PTPRD: variants seen among roughly 807,000 people sequenced by gnomAD.
PTPRD encodes receptor-type tyrosine-protein phosphatase delta.
In PTPRD, 34 loss-of-function variants were observed where a neutral mutation model predicts 214.5. The observed-to-expected ratio is 0.16, with a 90% CI of 0.12 to 0.21. The LOEUF (loss-of-function observed/expected upper bound fraction) is 0.21. Among genes scored for constraint, PTPRD ranks in the 10% least tolerant of loss-of-function variants. The pLI is 1.00. For synonymous variants in PTPRD, 1,128 were observed against 845.7 expected (o/e 1.33, Z -5.79); for missense variants, 2,545 against 2,398.7 (o/e 1.06, Z -1.27).
intron 3 of PTPRD, among the ~76,000 whole-genome samples, chr9:10,099,831 A>T (rs1467548225): frequency 1.3e-5 from 2 of 151,670 alleles, no homozygotes; most frequent in East Asian, 2.0e-4. Flanking sequence ...TTAGAAATTT[A>T]AAAAAAAGAT....
intron 23 of PTPRD, 42 bp downstream of exon 23, chr9:8,504,219 A>C: frequency 6.2e-7 from 1 of 1,608,566 alleles, no homozygotes; most frequent in Non-Finnish European, 8.5e-7. Flanking sequence ...CATCTCCCCG[A>C]GGAAATAAAA....
At chr9:8,862,414 A>G (rs962256108) in intron 11 of PTPRD, among the ~76,000 whole-genome samples, 1 of 152,196 alleles carries the variant, frequency 6.6e-6, no homozygotes, top group African/African-American at 2.4e-5. Flanking sequence ...TGTAAAGAAG[A>G]AAAGAAGATA....
chr9:8,376,686 G>T lies in PTPRD; in HGVS notation c.4427C>A (p.Thr1476Asn), dbSNP rs756058132. 8.8e-5 allele frequency: 142 copies of T among 1,612,974 alleles called. No homozygotes were observed. Among genetic ancestry groups the T allele is most frequent in the Admixed American group, 2.5e-4 (15 of 59,850 alleles). The change falls in exon 38 of 46, where the codon ACC becomes AAC. Residue 1476 changes from threonine (T) to asparagine (N), a missense_variant. Thr to Asn is a moderately conservative substitution (Grantham distance 65). Transcript: ENST00000381196. The part of the protein sequence containing the change: ...DQYWPSRGTE[T>N]HGLVQVTLLD... ...CAGCGTTACTTGAACGAGTCCGTGGGTTTCTGTGCCTCTGCTAGGCCAATA... is the reference window on the plus strand; with the variant it reads ...CAGCGTTACTTGAACGAGTCCGTGGTTTTCTGTGCCTCTGCTAGGCCAATA...
intron 9 of PTPRD, among the ~76,000 whole-genome samples, chr9:9,241,573 T>C (rs2099970357): frequency 6.6e-6 from 1 of 152,122 alleles, no homozygotes; most frequent in Non-Finnish European, 1.5e-5. Flanking sequence ...ACGTGACTGC[T>C]TTACAGGTGG....
chr9:8,901,991 T>G (rs2154252164), intron 11 of PTPRD, among the ~76,000 whole-genome samples: 1 of 152,284 alleles, frequency 6.6e-6, no homozygotes, highest in South Asian at 2.1e-4. Flanking sequence ...ACTTGAAAAA[T>G]AAGGGATTCA....
At chr9:8,500,265 T>C (rs1363187508) in intron 24 of PTPRD, among the ~76,000 whole-genome samples, 1 of 151,942 alleles carries the variant, frequency 6.6e-6, no homozygotes, top group Non-Finnish European at 1.5e-5. Flanking sequence ...TTCTTGATTA[T>C]ATGTATTATC....
chr9:9,985,508 T>C (rs1334880859), intron 4 of PTPRD, among the ~76,000 whole-genome samples: 2 of 152,220 alleles, frequency 1.3e-5, no homozygotes, highest in East Asian at 3.9e-4. Context: ...AGTAGTCAAA[T>C]ATTGAAACAA....
At chr9:9,532,597 C>T (rs2075721864) in intron 8 of PTPRD, among the ~76,000 whole-genome samples, 1 of 152,106 alleles carries the variant, frequency 6.6e-6, no homozygotes, top group African/African-American at 2.4e-5. Flanking sequence ...AAAGGCTTTC[C>T]AATTCATTGC....
chr9:8,894,193 A>G (rs1029725195), intron 11 of PTPRD, among the ~76,000 whole-genome samples: 16 of 151,918 alleles, frequency 1.1e-4, no homozygotes, highest in African/African-American at 3.9e-4. Context: ...GTTTCTACTA[A>G]AAATACAAAA....
chr9:9,805,681 C>T (rs1000882106), intron 5 of PTPRD, among the ~76,000 whole-genome samples: 5 of 152,080 alleles, frequency 3.3e-5, no homozygotes, highest in Admixed American at 2.6e-4. Context: ...AAAGCTAGAT[C>T]CTAACTTTTT....
chr9:10,198,391 T>A (rs569074659), intron 3 of PTPRD, among the ~76,000 whole-genome samples: 2 of 152,120 alleles, frequency 1.3e-5, no homozygotes, highest in African/African-American at 4.8e-5. Flanking sequence ...AAGATGGAGT[T>A]AGGCAGCATC....
intron 3 of PTPRD, among the ~76,000 whole-genome samples, chr9:10,251,370 C>G (rs1465077635): frequency 6.7e-6 from 1 of 149,236 alleles, no homozygotes; most frequent in Non-Finnish European, 1.5e-5. Context: ...AGTAGGTCCT[C>G]TAAAATAAGA....
intron 34 of PTPRD, among the ~76,000 whole-genome samples, chr9:8,441,331 G>C (rs1337706942): frequency 1.3e-5 from 2 of 152,086 alleles, no homozygotes; most frequent in Admixed American, 6.6e-5. Context: ...CTTCTGAAAA[G>C]GGTGAAATTA....
chr9:9,586,146 C>G (rs1001178141), intron 7 of PTPRD, among the ~76,000 whole-genome samples: 2 of 151,918 alleles, frequency 1.3e-5, no homozygotes, highest in South Asian at 4.1e-4. Flanking sequence ...CACATATGTT[C>G]TGGCTGTTAA....
At chr9:8,682,133 A>C (rs2097562993) in intron 12 of PTPRD, among the ~76,000 whole-genome samples, 2 of 152,334 alleles carry the variant, frequency 1.3e-5, no homozygotes, top group African/African-American at 2.4e-5. Context: ...GTACAAGCTA[A>C]CCACACAATG....
At position 10,111,339 on chromosome 9, in the gene PTPRD, T is replaced by C. The variant is rs374844157; in HGVS notation, c.-544-77549A>G. On this transcript the variant is annotated intron_variant, in intron 3 of 45. Coordinates refer to ENST00000381196, the MANE Select transcript of PTPRD (RefSeq NM_002839.4). ...CTGCAAGCTCCGCCTCCTGGGTTCA[T>C]GCCATTCTCCTGCCTCAGCCTCCCA... Among the ~76,000 whole-genome samples the C allele has an allele frequency of 4.7e-3, 638 of 135,252 alleles. 29 individuals are homozygous for C. The highest frequency in any genetic ancestry group is 0.013 in the African/African-American group (483 of 35,922). The allele number at this position is 135,252 out of a possible 152,430, so 88.7% of individuals were successfully genotyped here. A position where few individuals can be genotyped will look rare whatever the true frequency, so the allele number is the denominator to read the frequency against.
chr9:8,793,900 A>G (rs748248492), intron 11 of PTPRD, among the ~76,000 whole-genome samples: 3 of 152,212 alleles, frequency 2.0e-5, no homozygotes, highest in Admixed American at 6.6e-5. Flanking sequence ...ACTGAAGGCT[A>G]TCAGAGGAAG....
chr9:9,450,946 T>TACACACACACAC (rs1386137342), intron 8 of PTPRD, among the ~76,000 whole-genome samples: 1 of 52,162 alleles, frequency 1.9e-5, no homozygotes, highest in Non-Finnish European at 3.8e-5. Flanking sequence ...AATACATACA[T>TACACACACACAC]ACATACACAC....
intron 5 of PTPRD, among the ~76,000 whole-genome samples, chr9:9,808,950 ATTTTTT>A (rs59065058): frequency 7.0e-6 from 1 of 142,246 alleles, no homozygotes. Context: ...TTTATTTTGT[ATTTTTT>A]TTTTTTTTTT....
Sources: allele counts gnomAD v4.1 joint callset (sites outside exome capture counted in the v4.1 genomes callset), GRCh38; gene constraint gnomAD v4.1.1; transcripts MANE v1.5; gene names NCBI Gene and HGNC (gene_info 2026-07-23, HGNC 2026-07-21).